The following DAB1 variants were observed in gnomAD, a reference collection of about 807,000 sequenced individuals.
DAB1 encodes the protein disabled homolog 1.
DAB1 carries 15 observed loss-of-function variants against 64.6 expected under a neutral mutation model. The observed-to-expected ratio is 0.23, with a 90% CI of 0.16 to 0.36. The LOEUF (loss-of-function observed/expected upper bound fraction) is 0.36. DAB1 is among the 10% of genes least tolerant of loss of function. The pLI is 1.00. For missense variants in DAB1, 596 were observed against 706.7 expected, an observed-to-expected ratio of 0.84 and a Z score of 1.78; for synonymous variants, 235 against 251.9, an observed-to-expected ratio of 0.93 and a Z score of 0.64.
chr1:57,986,331 C>T (rs1470943928), intron 5 of DAB1, among the ~76,000 whole-genome samples: 1 of 151,998 alleles, frequency 6.6e-6, no homozygotes. Context: ...GGGATTAATG[C>T]CCTTATAAAA....
At chr1:57,072,534 T>C (rs2100599205) in intron 4 of DAB1, 120 bp from the exon 5 acceptor site, 1 of 1,030,984 alleles carries the variant, frequency 9.7e-7, no homozygotes, top group African/African-American at 1.6e-5. Context: ...AAAAGCTGTT[T>C]AGTCCAGATG....
intron 5 of DAB1, among the ~76,000 whole-genome samples, chr1:57,923,202 T>C (rs1449807978): frequency 6.6e-6 from 1 of 152,014 alleles, no homozygotes. Context: ...ATAAAAGAGC[T>C]CAACCAGGAA....
At chr1:58,381,209 A>G (rs1416398071) in intron 3 of DAB1, among the ~76,000 whole-genome samples, 2 of 152,224 alleles carry the variant, frequency 1.3e-5, no homozygotes, top group East Asian at 1.9e-4. Flanking sequence ...CTTAATACCC[A>G]GGTGATGGAA....
At chr1:57,677,337 G>A (rs1472457354) in intron 6 of DAB1, among the ~76,000 whole-genome samples, 1 of 152,174 alleles carries the variant, frequency 6.6e-6, no homozygotes, top group Non-Finnish European at 1.5e-5. Context: ...TTTACATTAA[G>A]TCCTTCAGTG....
At chr1:57,191,105 C>A (rs1300697581) in intron 2 of DAB1, among the ~76,000 whole-genome samples, 1 of 152,098 alleles carries the variant, frequency 6.6e-6, no homozygotes, top group Admixed American at 6.6e-5. Flanking sequence ...TGTTTGCTGA[C>A]ATAACAATAA....
intron 6 of DAB1, among the ~76,000 whole-genome samples, chr1:57,728,147 G>T (rs777097112): frequency 6.6e-6 from 1 of 152,162 alleles, no homozygotes; most frequent in Non-Finnish European, 1.5e-5. Context: ...TGGGCTCAAA[G>T]GTGACCTCTG....
chr1:57,726,273 T>C (rs947826311), intron 6 of DAB1, among the ~76,000 whole-genome samples: 4 of 152,202 alleles, frequency 2.6e-5, no homozygotes, highest in Admixed American at 6.5e-5. Flanking sequence ...TCACTTCATC[T>C]ATCACAGCAG....
chr1:57,420,613 C>T (rs1411127684), intron 1 of DAB1, among the ~76,000 whole-genome samples: 1 of 152,192 alleles, frequency 6.6e-6, no homozygotes, highest in Non-Finnish European at 1.5e-5. Context: ...ATTCCAAATG[C>T]CATCCACTTT....
At position 58,327,024 on chromosome 1, in the gene DAB1, A is replaced by C. The variant is rs542145347; in HGVS notation, n.309+16328T>G. Among the ~76,000 whole-genome samples the C allele has an allele frequency of 3.3e-5, 5 of 152,372 alleles. No homozygotes were observed. The East Asian group carries it at 7.7e-4, about 23-fold the overall frequency. ...GAGAGGGAATAATCTGAAAACCATA[A>C]GTATTGAGAATCCCAGAACATAAAA... is the stretch of plus-strand genomic sequence containing the variant. On this transcript the variant is annotated intron_variant and non_coding_transcript_variant, in intron 4 of 20. Transcript: ENST00000485760.
At chr1:58,017,820 C>T (rs1307505141) in intron 5 of DAB1, among the ~76,000 whole-genome samples, 1 of 152,192 alleles carries the variant, frequency 6.6e-6, no homozygotes, top group African/African-American at 2.4e-5. Flanking sequence ...GGCACATGAG[C>T]TCATGGTAGC....
intron 3 of DAB1, among the ~76,000 whole-genome samples, chr1:58,464,486 T>C (rs1049415470): frequency 3.3e-5 from 5 of 152,168 alleles, no homozygotes; most frequent in Non-Finnish European, 7.3e-5. Flanking sequence ...AGAAAAATTA[T>C]AAAGCAGCAT....
At chr1:58,294,588 G>A (rs1661925100) in intron 4 of DAB1, among the ~76,000 whole-genome samples, 1 of 152,142 alleles carries the variant, frequency 6.6e-6, no homozygotes, top group African/African-American at 2.4e-5. Flanking sequence ...TTTGCTAGAT[G>A]TCACAGAAAC....
chr1:57,292,416 A>T (rs1228184551), intron 1 of DAB1, among the ~76,000 whole-genome samples: 1 of 152,188 alleles, frequency 6.6e-6, no homozygotes, highest in Non-Finnish European at 1.5e-5. Context: ...TGGTGAATCT[A>T]AGGCTACAAC....
chr1:57,183,206 T>C (rs1557886291), intron 2 of DAB1, among the ~76,000 whole-genome samples: 2 of 152,146 alleles, frequency 1.3e-5, no homozygotes, highest in Non-Finnish European at 2.9e-5. Context: ...CCGAGCATTC[T>C]AAACACAAGG....
At chr1:57,283,493 G>A (rs1206449978) in intron 2 of DAB1, among the ~76,000 whole-genome samples, 3 of 152,114 alleles carry the variant, frequency 2.0e-5, no homozygotes, top group South Asian at 2.1e-4. Context: ...TCAATGCTAG[G>A]TTTTTTATAC....
intron 4 of DAB1, among the ~76,000 whole-genome samples, chr1:57,122,388 G>A (rs1371481368): frequency 6.6e-6 from 1 of 152,150 alleles, no homozygotes; most frequent in Non-Finnish European, 1.5e-5. Context: ...GGGAGCTCTG[G>A]TTTTTAAGGA....
chr1:58,195,330 T>C (rs544513710), intron 4 of DAB1, among the ~76,000 whole-genome samples: 34 of 152,094 alleles, frequency 2.2e-4, no homozygotes, highest in Non-Finnish European at 8.8e-5. Flanking sequence ...GACTTAAGGA[T>C]GAGCAAGAAT....
intron 4 of DAB1, among the ~76,000 whole-genome samples, chr1:58,300,338 G>A (rs1361270849): frequency 6.6e-6 from 1 of 151,904 alleles, no homozygotes; most frequent in Non-Finnish European, 1.5e-5. Flanking sequence ...CTGAGGTCAG[G>A]AGTTTGAGAT....
intron 6 of DAB1, among the ~76,000 whole-genome samples, chr1:57,676,787 T>G (rs1368330285): frequency 6.6e-6 from 1 of 152,200 alleles, no homozygotes; most frequent in Non-Finnish European, 1.5e-5. Flanking sequence ...CTCCTCCGCT[T>G]GGAATGACTT....
Sources: gnomAD v4.1 joint callset for allele counts (sites outside exome capture counted in the v4.1 genomes callset) on GRCh38, gnomAD v4.1.1 for gene constraint, MANE v1.5 for transcripts, NCBI Gene and HGNC (gene_info 2026-07-23, HGNC 2026-07-21) for gene names.